The following FOXK1 variants were observed in gnomAD, a reference collection of about 807,000 sequenced individuals.
FOXK1 encodes the protein forkhead box K1, also known as forkhead box protein K1.
Under a neutral mutation model 51.9 loss-of-function variants are expected in FOXK1, and 19 were observed. The ratio of observed to expected loss-of-function variants is 0.37; its 90% confidence interval spans 0.26 to 0.54. The LOEUF is 0.54. Ranked by LOEUF, FOXK1 falls within the 20% of genes least tolerant of loss-of-function variation. FOXK1 has a pLI of 0.87. For missense variants in FOXK1, 870 were observed against 1,032.7 expected (o/e 0.84, Z 2.16); for synonymous variants, 537 against 482.6 (o/e 1.11, Z -1.48).
intron 1 of FOXK1, among the ~76,000 whole-genome samples, chr7:4,698,101 A>G (rs1417466608): frequency 6.6e-6 from 1 of 152,160 alleles, no homozygotes; most frequent in Non-Finnish European, 1.5e-5. Context: ...CTGGGACTAC[A>G]GGCGAGAGCC....
rs1780433949 is a variant in FOXK1, at chr7:4,730,319, G to T, written c.561-10519G>T. Among the ~76,000 whole-genome samples the T allele has an allele frequency of 6.6e-6, 1 of 152,232 alleles. No individual in the cohort carries two copies. Among genetic ancestry groups the T allele is most frequent in the South Asian group, 2.1e-4 (1 of 4,836 alleles). ...AGCCGAGTACACTCGGCCAGGGTGA[G>T]TGATGGGCAGGCACAGAGCTGTGTC... is the stretch of plus-strand genomic sequence containing the variant. On this transcript the variant is annotated intron_variant, in intron 1 of 8. Coordinates refer to ENST00000328914, the MANE Select transcript of FOXK1 (RefSeq NM_001037165.2). This position sits in a 1 kb window ranked among gnomAD's most constrained non-coding sequence, Gnocchi z 4.7.
chr7:4,747,302 C>T lies in FOXK1; in HGVS notation c.746+6279C>T, dbSNP rs1053714379. 1.3e-5 allele frequency among the ~76,000 whole-genome samples: 2 copies of T among 152,236 alleles called. No homozygotes were observed. The highest frequency in any genetic ancestry group is 6.5e-5 in the Admixed American group (1 of 15,290). Reference sequence around the variant, plus strand: ...TGAGCCTCAGGGGAAGCAGGAGGCGCCTGCAGACACGGAGCTGACCCCGGA... The same window carrying T: ...TGAGCCTCAGGGGAAGCAGGAGGCGTCTGCAGACACGGAGCTGACCCCGGA... On this transcript the variant is annotated intron_variant, in intron 2 of 8. Transcript: ENST00000328914. The surrounding 1 kb of genome is among the most constrained non-coding windows in gnomAD (Gnocchi z 9.2).
intron 1 of FOXK1, 134 bp from the exon 2 acceptor site, chr7:4,740,704 A>G (rs1324971733): frequency 2.4e-6 from 2 of 833,470 alleles, no homozygotes; most frequent in Admixed American, 5.9e-5. Flanking sequence ...AAAAGCATCG[A>G]AACTGCTCTC....
intron 2 of FOXK1, among the ~76,000 whole-genome samples, chr7:4,746,965 G>T (rs553987000): frequency 6.6e-6 from 1 of 152,136 alleles, no homozygotes; most frequent in Non-Finnish European, 1.5e-5. Context: ...AGTAACTATT[G>T]TTTCCTCCAC....
At chr7:4,686,972 A>G (rs1433508496) in intron 1 of FOXK1, among the ~76,000 whole-genome samples, 4 of 146,994 alleles carry the variant, frequency 2.7e-5, no homozygotes, top group Non-Finnish European at 4.4e-5. Context: ...TTGCTCTGTC[A>G]CCGAGGCTGG....
At chr7:4,696,115 CAAAAA>C (rs1192472036) in intron 1 of FOXK1, among the ~76,000 whole-genome samples, 1 of 80,140 alleles carries the variant, frequency 1.2e-5, no homozygotes. Context: ...GACTGTGTCT[CAAAAA>C]AAAAAAAAAA....
chr7:4,748,584 C>T lies in FOXK1; in HGVS notation c.747-5875C>T, dbSNP rs10271462. On this transcript the variant is annotated intron_variant, in intron 2 of 8. Coordinates refer to ENST00000328914, the MANE Select transcript of FOXK1 (RefSeq NM_001037165.2). This position sits in a 1 kb window ranked among gnomAD's most constrained non-coding sequence, Gnocchi z 4.9. ...TTCTCCACCATCCTGGGAATCCCCT[C>T]AGGAGGTGGTGGTGGAGAGAGGGCT... Among the ~76,000 whole-genome samples the T allele has an allele frequency of 0.025, 3,839 of 152,280 alleles. 157 individuals are homozygous for T. Among genetic ancestry groups the T allele is most frequent in the African/African-American group, 0.088 (3,638 of 41,534 alleles).
At position 4,730,006 on chromosome 7, in the gene FOXK1, AAAAG is replaced by A. The variant is rs1780429593; in HGVS notation, c.561-10828_561-10825del. On this transcript the variant is annotated intron_variant, in intron 1 of 8. Coordinates refer to ENST00000328914, the MANE Select transcript of FOXK1 (RefSeq NM_001037165.2). This position sits in a 1 kb window ranked among gnomAD's most constrained non-coding sequence, Gnocchi z 4.7. ...CTCTGTCGAAACAATTTAAATAAAA[AAAAG>A]AAAAGGAAAAAGAAAGCCCGGCTTC... 6.6e-6 allele frequency among the ~76,000 whole-genome samples: 1 copy of A among 152,184 alleles called. No homozygotes were observed.
rs1273211561 is a variant in FOXK1, at chr7:4,729,340, C to G, written c.561-11498C>G. ...ACCGCCGTTTGGCCGTGTCAGTCAT[C>G]TGGGGGTCCCTTAGCCTCCGCAGAG... On this transcript the variant is annotated intron_variant, in intron 1 of 8. Transcript: ENST00000328914. This position sits in a 1 kb window ranked among gnomAD's most constrained non-coding sequence, Gnocchi z 6.2. 1.3e-5 allele frequency among the ~76,000 whole-genome samples: 2 copies of G among 152,200 alleles called. No homozygotes were observed. The highest frequency in any genetic ancestry group is 2.4e-5 in the African/African-American group (1 of 41,452).
At chr7:4,716,709 C>T (rs920907934) in intron 1 of FOXK1, among the ~76,000 whole-genome samples, 2 of 152,118 alleles carry the variant, frequency 1.3e-5, no homozygotes, top group South Asian at 2.1e-4. Context: ...CAGCAGGTTC[C>T]GGGTGGAGGT....
rs777910268 is a variant in FOXK1 at position 4,703,716 on chromosome 7, G to C, written c.560+20848G>C. Reference sequence around the variant, plus strand: ...CCATGCAATTGACATAGCGCTGCTCGGGCGACCAGGAGGCCCTTCAGTGCT... The same window carrying C: ...CCATGCAATTGACATAGCGCTGCTCCGGCGACCAGGAGGCCCTTCAGTGCT... On this transcript the variant is annotated intron_variant, in intron 1 of 8. Transcript: ENST00000328914. This position sits in a 1 kb window ranked among gnomAD's most constrained non-coding sequence, Gnocchi z 5.6. 1.3e-5 allele frequency among the ~76,000 whole-genome samples: 2 copies of C among 152,140 alleles called. No individual in the cohort carries two copies. Among genetic ancestry groups the C allele is most frequent in the Admixed American group, 6.5e-5 (1 of 15,278 alleles).
chr7:4,749,910 C>A lies in FOXK1; in HGVS notation c.747-4549C>A, dbSNP rs78550759. Among the ~76,000 whole-genome samples the A allele has an allele frequency of 0.015, 2,246 of 152,318 alleles. 55 individuals carry two copies. Among genetic ancestry groups the A allele is most frequent in the African/African-American group, 0.051 (2,136 of 41,558 alleles). ...CCAGCGACCTGTGTGTCCCACAGCC[C>A]GTCCGTCCCTCTGCAGTCTCCCTGC... On this transcript the variant is annotated intron_variant, in intron 2 of 8. Coordinates refer to ENST00000328914, the MANE Select transcript of FOXK1 (RefSeq NM_001037165.2). The surrounding 1 kb of genome is among the most constrained non-coding windows in gnomAD (Gnocchi z 6.0).
rs1780891723 is a variant in FOXK1, at chr7:4,758,942, C to G, written c.1245-109C>G. ...TCTGAATGCGGAGGACAGAGACGAG[C>G]TCCAGGGAGCGTGGGCGGGTGACGG... is the stretch of plus-strand genomic sequence containing the variant. On this transcript the variant is annotated intron_variant, in intron 5 of 8. Transcript: ENST00000328914. This position sits in a 1 kb window ranked among gnomAD's most constrained non-coding sequence, Gnocchi z 4.4. 8.3e-7 allele frequency: 1 copy of G among 1,210,598 alleles called. No individual in the cohort carries two copies. Among genetic ancestry groups the G allele is most frequent in the Non-Finnish European group, 1.1e-6 (1 of 877,766 alleles). 75.0% of individuals were successfully genotyped at this position (1,210,598 alleles called of 1,614,324 possible).
chr7:4,695,441 G>A lies in FOXK1; in HGVS notation c.560+12573G>A, dbSNP rs546953638. Among the ~76,000 whole-genome samples the A allele has an allele frequency of 3.2e-3, 484 of 152,324 alleles. 3 individuals carry two copies. The highest frequency in any genetic ancestry group is 0.011 in the African/African-American group (462 of 41,590). On this transcript the variant is annotated intron_variant, in intron 1 of 8. Transcript: ENST00000328914. ...GGCGAGTCTAGAACTTCCTGTGGTG[G>A]TAGAAATGTTTTATATCTGTGCTGT...
rs576962638 is a variant in FOXK1, at chr7:4,723,322, G to T, written c.561-17516G>T. Among the ~76,000 whole-genome samples, 1 of 152,064 alleles carries T rather than the reference G, an allele frequency of 6.6e-6. No individual in the cohort carries two copies. The highest frequency in any genetic ancestry group is 2.1e-4 in the South Asian group (1 of 4,806). On this transcript the variant is annotated intron_variant, in intron 1 of 8. Transcript: ENST00000328914. The surrounding 1 kb of genome is among the most constrained non-coding windows in gnomAD (Gnocchi z 4.7). ...AGTGACAAATATAGCAAAAGAGCTT[G>T]TTGGTAAATACTGCCTGAAAACATT...
In FOXK1 at chr7:4,755,748, T is replaced by C. The variant is rs1173178788; in HGVS notation, c.1050+365T>C. Among the ~76,000 whole-genome samples, 6 of 152,144 alleles carry C rather than the reference T, an allele frequency of 3.9e-5. No individual in the cohort carries two copies. The highest frequency in any genetic ancestry group is 7.4e-5 in the Non-Finnish European group (5 of 68,024). ...CCTGTGTCTACAAAGAAAAAAAATATCTTTTTAACTAAGAAGATAAATATA... is the reference window on the plus strand; with the variant it reads ...CCTGTGTCTACAAAGAAAAAAAATACCTTTTTAACTAAGAAGATAAATATA... On this transcript the variant is annotated intron_variant, in intron 4 of 8. Transcript: ENST00000328914. This position sits in a 1 kb window ranked among gnomAD's most constrained non-coding sequence, Gnocchi z 6.6.
At chr7:4,688,467 C>G (rs1779848864) in intron 1 of FOXK1, among the ~76,000 whole-genome samples, 1 of 151,834 alleles carries the variant, frequency 6.6e-6, no homozygotes, top group East Asian at 1.9e-4. Flanking sequence ...GTGGCACTAT[C>G]TTGGCTCACT....
intron 1 of FOXK1, among the ~76,000 whole-genome samples, chr7:4,719,725 A>C (rs13231213): frequency 6.6e-6 from 1 of 151,102 alleles, no homozygotes; most frequent in Non-Finnish European, 1.5e-5. Flanking sequence ...CAGGTGATCC[A>C]CCCGCTTTGG....
intron 1 of FOXK1, among the ~76,000 whole-genome samples, chr7:4,686,247 G>C (rs748619066): frequency 9.2e-5 from 14 of 152,186 alleles, no homozygotes; most frequent in Non-Finnish European, 2.1e-4. Context: ...GGAGGTCTAT[G>C]TTGTGTTGGT....
Sources: allele counts gnomAD v4.1 joint callset (sites outside exome capture counted in the v4.1 genomes callset), GRCh38; gene constraint gnomAD v4.1.1; non-coding constraint Gnocchi (gnomAD v3.1); transcripts MANE v1.5; gene names NCBI Gene and HGNC (gene_info 2026-07-23, HGNC 2026-07-21).